The following CFAP61 variants were observed in gnomAD, a reference collection of about 807,000 sequenced individuals.
CFAP61 encodes the protein cilia and flagella associated protein 61.
A neutral mutation model predicts 135.6 loss-of-function variants in CFAP61; 107 were observed. The observed-to-expected ratio is 0.79, with a 90% CI of 0.67 to 0.93. CFAP61 has a LOEUF of 0.93. Among genes scored for constraint, CFAP61 ranks in the 40% least tolerant of loss-of-function variants. The probability of loss-of-function intolerance (pLI) is 0.00; values close to 1 mark genes in which losing one functional copy is unlikely to be tolerated. For missense variants in CFAP61, 1,507 were observed against 1,556.2 expected (o/e 0.97, Z 0.53); for synonymous variants, 575 against 578.5 (o/e 0.99, Z 0.09).
At position 20,340,162 on chromosome 20, in the gene CFAP61, C is replaced by T. The variant is rs1395741767; in HGVS notation, c.3423-1669C>T. Among the ~76,000 whole-genome samples the T allele has an allele frequency of 2.0e-5, 3 of 152,196 alleles. No individual in the cohort carries two copies. The East Asian group carries it at 5.8e-4, about 29-fold the overall frequency. Reference sequence around the variant, plus strand: ...ACCTGGAGTGCACAGCCTCAAGTCGCAAATCCATTCCCTTTAGAGTTGCTG... The same window carrying T: ...ACCTGGAGTGCACAGCCTCAAGTCGTAAATCCATTCCCTTTAGAGTTGCTG... On this transcript the variant is annotated intron_variant, in intron 25 of 26. Coordinates refer to ENST00000245957, the MANE Select transcript of CFAP61 (RefSeq NM_015585.4).
chr20:20,198,131 G>GT (rs2056412376), intron 16 of CFAP61, among the ~76,000 whole-genome samples: 1 of 152,112 alleles, frequency 6.6e-6, no homozygotes. Context: ...GTTTTTTTTA[G>GT]TTTTTGTTTT....
intron 8 of CFAP61, among the ~76,000 whole-genome samples, chr20:20,119,935 A>T (rs59272582): frequency 6.6e-6 from 1 of 152,088 alleles, no homozygotes; most frequent in Non-Finnish European, 1.5e-5. Flanking sequence ...GGATAACGGC[A>T]TCCAGCTCCA....
intron 1 of CFAP61, among the ~76,000 whole-genome samples, chr20:20,053,681 A>G (rs1192709082): frequency 6.6e-6 from 1 of 152,252 alleles, no homozygotes; most frequent in Non-Finnish European, 1.5e-5. Context: ...TATAACCAAC[A>G]TCAATGTATT....
chr20:20,168,309 C>T (rs1160850098), intron 12 of CFAP61, among the ~76,000 whole-genome samples: 1 of 152,138 alleles, frequency 6.6e-6, no homozygotes, highest in Non-Finnish European at 1.5e-5. Context: ...GTGATCCTCC[C>T]ATCTCGGCCT....
chr20:20,223,837 CACATCA>C (rs1049718339), intron 17 of CFAP61, among the ~76,000 whole-genome samples: 1 of 152,168 alleles, frequency 6.6e-6, no homozygotes, highest in African/African-American at 2.4e-5. Flanking sequence ...ACTGAGTGTG[CACATCA>C]ACATCATCTT....
intron 24 of CFAP61, among the ~76,000 whole-genome samples, chr20:20,297,186 T>C (rs1399437128): frequency 6.6e-6 from 1 of 152,128 alleles, no homozygotes; most frequent in Non-Finnish European, 1.5e-5. Context: ...TTGCCTGTAT[T>C]GATGTAAAAG....
intron 9 of CFAP61, among the ~76,000 whole-genome samples, chr20:20,153,348 C>T (rs1162644934): frequency 6.6e-6 from 1 of 151,894 alleles, no homozygotes; most frequent in Non-Finnish European, 1.5e-5. Flanking sequence ...CCAAACCCAA[C>T]AGAAGAAAAG....
chr20:20,311,466 A>T (rs1242238298), intron 25 of CFAP61, among the ~76,000 whole-genome samples: 4 of 152,210 alleles, frequency 2.6e-5, no homozygotes, highest in Non-Finnish European at 5.9e-5. Context: ...GGAAACAAAG[A>T]AGGTGAACCC....
Position 20,196,671 on chromosome 20 carries a change from C to T in CFAP61, c.1692C>T (p.Asn564=), listed in dbSNP as rs758622843. The change falls in exon 16 of 27, where the codon AAC becomes AAT. Residue 564 remains asparagine (N), a synonymous_variant. Coordinates refer to ENST00000245957, the MANE Select transcript of CFAP61 (RefSeq NM_015585.4). ...EHGHMHHFAL[N]PIFRHYTKFF... ...GGCACATGCATCACTTTGCCCTCAA[C>T]CCCATTTTCCGGCACTACACCAAGT... is the stretch of plus-strand genomic sequence containing the variant. 6.2e-7 allele frequency: 1 copy of T among 1,614,172 alleles called. No homozygotes were observed. Among genetic ancestry groups the T allele is most frequent in the Non-Finnish European group, 8.5e-7 (1 of 1,180,024 alleles).
chr20:20,285,448 A>G (rs1360937098), intron 22 of CFAP61, among the ~76,000 whole-genome samples: 1 of 151,782 alleles, frequency 6.6e-6, no homozygotes, highest in Admixed American at 6.6e-5. Context: ...AGTTTTTTAT[A>G]TTGTTCCCTG....
chr20:20,351,427 A>G (rs1375780022), intron 26 of CFAP61, among the ~76,000 whole-genome samples: 2 of 151,996 alleles, frequency 1.3e-5, no homozygotes, highest in Non-Finnish European at 2.9e-5. Context: ...CTAAAAATAC[A>G]AAAAATTAGC....
intron 25 of CFAP61, among the ~76,000 whole-genome samples, chr20:20,311,515 G>C (rs1283224486): frequency 2.6e-5 from 4 of 152,190 alleles, no homozygotes; most frequent in Non-Finnish European, 5.9e-5. Flanking sequence ...AGAGTTCCCA[G>C]GCCACAGCAA....
intron 18 of CFAP61, among the ~76,000 whole-genome samples, chr20:20,235,353 G>C (rs1175085044): frequency 6.6e-6 from 1 of 152,056 alleles, no homozygotes; most frequent in Non-Finnish European, 1.5e-5. Context: ...CAGCAGTATG[G>C]ACATCACTTG....
At chr20:20,166,521 G>T in intron 12 of CFAP61, 85 bp downstream of exon 12, 1 of 1,067,646 alleles carries the variant, frequency 9.4e-7, no homozygotes. Context: ...TTATTATGCT[G>T]TGAATGTTGA....
chr20:20,071,255 A>T (rs1600430921), intron 3 of CFAP61, among the ~76,000 whole-genome samples: 1 of 151,812 alleles, frequency 6.6e-6, no homozygotes, highest in South Asian at 2.1e-4. Flanking sequence ...ACGGCGGGGG[A>T]GGAATTAGTG....
At chr20:20,325,798 A>G (rs1729805380) in intron 25 of CFAP61, among the ~76,000 whole-genome samples, 1 of 152,236 alleles carries the variant, frequency 6.6e-6, no homozygotes, top group Admixed American at 6.5e-5. Context: ...ACTGTCTTCC[A>G]AAGTAGCTAT....
At chr20:20,265,290 A>C (rs2052615076) in intron 21 of CFAP61, 2 of 735,104 alleles carry the variant, frequency 2.7e-6, no homozygotes, top group Admixed American at 1.9e-5. Context: ...CCAAGAAAAG[A>C]GCCTTCGAAA....
intron 6 of CFAP61, among the ~76,000 whole-genome samples, chr20:20,083,039 T>C (rs111690864): frequency 0.047 from 7,123 of 152,194 alleles, 557 homozygotes; most frequent in African/African-American, 0.16. Flanking sequence ...GATACATGTA[T>C]ACACACGTTT....
intron 11 of CFAP61, 54 bp downstream of exon 11, chr20:20,164,282 G>A: frequency 1.3e-6 from 2 of 1,527,708 alleles, no homozygotes; most frequent in South Asian, 2.4e-5. Context: ...TCTGGCATTG[G>A]TGGCCCAACA....
Sources: allele counts gnomAD v4.1 joint callset (sites outside exome capture counted in the v4.1 genomes callset), GRCh38; gene constraint gnomAD v4.1.1; transcripts MANE v1.5; gene names NCBI Gene and HGNC (gene_info 2026-07-23, HGNC 2026-07-21).